RASSF6: variants seen among roughly 807,000 people sequenced by gnomAD.
RASSF6 encodes the protein Ras association domain family member 6, also known as ras association domain-containing protein 6.
RASSF6 carries 52 observed loss-of-function variants against 44.0 expected under a neutral mutation model. The observed-to-expected ratio is 1.18, with a 90% CI of 0.95 to 1.49. The LOEUF is 1.49. RASSF6 is among the 40% of genes most tolerant of loss of function. RASSF6 has a pLI of 0.00. For missense variants in RASSF6, 464 were observed against 393.3 expected (o/e 1.18, Z -1.52); for synonymous variants, 162 against 124.6 (o/e 1.30, Z -2.00).
At chr4:73,608,104 A>G (rs997192839) in intron 2 of RASSF6, among the ~76,000 whole-genome samples, 1 of 147,524 alleles carries the variant, frequency 6.8e-6, no homozygotes, top group African/African-American at 2.5e-5. Context: ...TATGCTCTCA[A>G]AAGTTATTTG....
At chr4:73,596,559 T>C (rs1378320937) in intron 3 of RASSF6, among the ~76,000 whole-genome samples, 1 of 152,222 alleles carries the variant, frequency 6.6e-6, no homozygotes, top group Non-Finnish European at 1.5e-5. Context: ...CCCAAAGCAA[T>C]TTGTAGATTC....
intron 1 of RASSF6, among the ~76,000 whole-genome samples, chr4:73,612,515 A>G (rs1365330802): frequency 1.4e-5 from 2 of 144,480 alleles, no homozygotes; most frequent in South Asian, 2.2e-4. Context: ...AACGTTGTGT[A>G]TAAGGGGGTG....
At chr4:73,617,215 A>G (rs1029494986) in intron 1 of RASSF6, among the ~76,000 whole-genome samples, 2 of 152,222 alleles carry the variant, frequency 1.3e-5, no homozygotes, top group Non-Finnish European at 1.5e-5. Flanking sequence ...ACACACTTCT[A>G]TGTGAGCATG....
chr4:73,607,778 C>A (rs1725739751), intron 2 of RASSF6, among the ~76,000 whole-genome samples: 1 of 152,102 alleles, frequency 6.6e-6, no homozygotes, highest in African/African-American at 2.4e-5. Flanking sequence ...TGAGCTACAG[C>A]TTCAGATTGC....
chr4:73,586,911 G>GGA (rs1724137987), intron 5 of RASSF6, among the ~76,000 whole-genome samples: 1 of 139,202 alleles, frequency 7.2e-6, no homozygotes, highest in Non-Finnish European at 1.6e-5. Flanking sequence ...AGAATGATTT[G>GGA]AAAAAAAAAA....
intron 4 of RASSF6, among the ~76,000 whole-genome samples, chr4:73,589,389 A>G (rs1303657077): frequency 6.6e-6 from 1 of 152,126 alleles, no homozygotes; most frequent in African/African-American, 2.4e-5. Flanking sequence ...AAGGGGGGTT[A>G]GGAATGGAAA....
At position 73,598,676 on chromosome 4, in the gene RASSF6, A is replaced by C. The variant is rs1402720338; in HGVS notation, c.108T>G (p.Tyr36Ter). The C allele has an allele frequency of 6.5e-7, 1 of 1,531,882 alleles. No homozygotes were observed. Among genetic ancestry groups the C allele is most frequent in the East Asian group, 2.3e-5 (1 of 44,102 alleles). 94.9% of individuals were successfully genotyped at this position (1,531,882 alleles called of 1,614,324 possible). A position where few individuals can be genotyped will look rare whatever the true frequency, so the allele number is the denominator to read the frequency against. ...AAATATGCAGATTTTTCTGGTTCTC[A>C]TAAAAAATGTTATAGGTCTTCAATA... The part of the protein sequence containing the change: ...NSLLKTYNIF[Y>*]ENQKNLHILY... The change falls in exon 3 of 11, where the codon TAT (tyrosine) becomes TAG (stop). Residue 36 changes from tyrosine to a stop codon, truncating the protein, a stop_gained. Transcript: ENST00000307439. LOFTEE classifies it high-confidence loss of function.
intron 1 of RASSF6, 96 bp from the exon 2 acceptor site, chr4:73,611,925 TAAG>T: frequency 1.3e-6 from 1 of 781,416 alleles, no homozygotes. Context: ...CTCTAGAGTA[TAAG>T]AAGGTTTTAG....
chr4:73,571,920 A>T lies in RASSF6; in HGVS notation c.*4315T>A, dbSNP rs139227321. On this transcript the variant is annotated 3_prime_UTR_variant, in exon 11 of 11. Transcript: ENST00000307439. ...CATTATGCAAAAATGATTCGAAAAT[A>T]AACTATTTTTTTCCCAGAAATTGTA... 4.1e-4 allele frequency: 62 copies of T among 152,324 alleles called. No homozygotes were observed. Among genetic ancestry groups the T allele is most frequent in the African/African-American group, 1.4e-3 (58 of 41,578 alleles). The allele number at this position is 152,324 out of a possible 1,614,324, so 9.4% of individuals were successfully genotyped here.
At position 73,574,855 on chromosome 4, in the gene RASSF6, A is replaced by G. The variant is rs1723115887; in HGVS notation, c.*1380T>C. Reference sequence around the variant, plus strand: ...CTTTTGTCATGTTCATGGCAGGTACATGACACTAGTTTTTTATAAGTATGT... The same window carrying G: ...CTTTTGTCATGTTCATGGCAGGTACGTGACACTAGTTTTTTATAAGTATGT... On this transcript the variant is annotated 3_prime_UTR_variant, in exon 11 of 11. Transcript: ENST00000307439. 6.6e-6 allele frequency: 1 copy of G among 152,046 alleles called. No individual in the cohort carries two copies. Among genetic ancestry groups the G allele is most frequent in the Non-Finnish European group, 1.5e-5 (1 of 68,010 alleles). 9.4% of individuals were successfully genotyped at this position (152,046 alleles called of 1,614,324 possible).
chr4:73,602,884 A>C (rs1725369105), intron 2 of RASSF6, among the ~76,000 whole-genome samples: 1 of 152,086 alleles, frequency 6.6e-6, no homozygotes. Context: ...GTCAGGAGAT[A>C]GAGACCATCC....
At chr4:73,612,097 G>T (rs573938331) in intron 1 of RASSF6, among the ~76,000 whole-genome samples, 65 of 152,246 alleles carry the variant, frequency 4.3e-4, no homozygotes, top group South Asian at 1.9e-3. Flanking sequence ...TGACTCTATT[G>T]ATTTATATAA....
chr4:73,578,468 A>G (rs1174901030), intron 8 of RASSF6, among the ~76,000 whole-genome samples: 3 of 152,192 alleles, frequency 2.0e-5, no homozygotes, highest in African/African-American at 7.2e-5. Context: ...TAATTGGAAC[A>G]AACGAGAAAA....
At position 73,574,251 on chromosome 4, in the gene RASSF6, T is replaced by C. The variant is rs1419250466; in HGVS notation, c.*1984A>G. 1 of 152,478 alleles carries C rather than the reference T, an allele frequency of 6.6e-6. No homozygotes were observed. The allele number at this position is 152,478 out of a possible 1,614,324, so 9.4% of individuals were successfully genotyped here. The stretch of plus-strand genomic sequence containing the variant: ...TGTGCAGTCTCGTCACACAAAGTTA[T>C]GCTAGGTTCCTGCAAAGTAGGTCCC... On this transcript the variant is annotated 3_prime_UTR_variant, in exon 11 of 11. Transcript: ENST00000307439.
chr4:73,606,922 A>C (rs1725681625), intron 2 of RASSF6, among the ~76,000 whole-genome samples: 1 of 152,178 alleles, frequency 6.6e-6, no homozygotes, highest in African/African-American at 2.4e-5. Flanking sequence ...AGAGGGTCTG[A>C]AACACAACAA....
chr4:73,585,195 G>A lies in RASSF6; in HGVS notation c.552C>T (p.His184=). The A allele has an allele frequency of 6.2e-7, 1 of 1,602,648 alleles. No homozygotes were observed. The highest frequency in any genetic ancestry group is 8.5e-7 in the Non-Finnish European group (1 of 1,175,410). Residue 184 remains histidine (H), a synonymous_variant, in exon 6 of 11, where the codon CAC becomes CAT. Coordinates refer to ENST00000307439, the MANE Select transcript of RASSF6 (RefSeq NM_177532.5). ...ACTCACTTACTTCATGGTTATAGAA[G>A]TGTCCATTAATAGAGGCTCTATTTT... ...RQKNRASING[H]FYNHETSIFI...
intron 1 of RASSF6, among the ~76,000 whole-genome samples, chr4:73,612,986 C>T (rs112886842): frequency 6.6e-6 from 1 of 152,168 alleles, no homozygotes; most frequent in Non-Finnish European, 1.5e-5. Context: ...CCCCTGGCAG[C>T]AGAGGGCCCT....
At chr4:73,585,464 A>AT (rs2149371179) in intron 5 of RASSF6, 100 bp from the exon 6 acceptor site, 1 of 755,318 alleles carries the variant, frequency 1.3e-6, no homozygotes, top group African/African-American at 1.8e-5. Flanking sequence ...GAATATTGCT[A>AT]TTTTCTGGCT....
rs1189687362 is a variant in RASSF6, at chr4:73,620,237, T to C, written c.-35+51A>G. 4 of 1,234,408 alleles carry C rather than the reference T, an allele frequency of 3.2e-6. No homozygotes were observed. The South Asian group carries it at 5.7e-5, about 18-fold the overall frequency. 76.5% of individuals were successfully genotyped at this position (1,234,408 alleles called of 1,614,324 possible). On this transcript the variant is annotated intron_variant, in intron 1 of 10. Transcript: ENST00000307439. ...GCTTTCTAATAACTTGCCCTCAACA[T>C]GACCCCAGGGAGTGGATTAGAAAGT...
Sources: gnomAD v4.1 joint callset for allele counts (sites outside exome capture counted in the v4.1 genomes callset) on GRCh38, gnomAD v4.1.1 for gene constraint, MANE v1.5 for transcripts, NCBI Gene and HGNC (gene_info 2026-07-23, HGNC 2026-07-21) for gene names.